B3GLCT: variants seen among roughly 807,000 people sequenced by gnomAD.
The protein encoded by B3GLCT is beta-1,3-glucosyltransferase.
Under a neutral mutation model 63.4 loss-of-function variants are expected in B3GLCT, and 65 were observed. The observed-to-expected ratio is 1.03, with a 90% CI of 0.84 to 1.26. The LOEUF is 1.26. Ranked by LOEUF, B3GLCT falls within the 50% of genes most tolerant of loss-of-function variation. The probability of loss-of-function intolerance (pLI) is 0.00; values close to 1 mark genes in which losing one functional copy is unlikely to be tolerated. For missense variants in B3GLCT, 577 were observed against 604.8 expected (o/e 0.95, Z 0.48); for synonymous variants, 233 against 219.2 (o/e 1.06, Z -0.55).
chr13:31,265,358 A>C (rs1000515246), intron 7 of B3GLCT, among the ~76,000 whole-genome samples: 1 of 152,118 alleles, frequency 6.6e-6, no homozygotes, highest in Non-Finnish European at 1.5e-5. Flanking sequence ...TGAAGGGGAA[A>C]CTCTGTATTA....
At chr13:31,234,458 G>A (rs1052025581) in intron 4 of B3GLCT, among the ~76,000 whole-genome samples, 1 of 152,186 alleles carries the variant, frequency 6.6e-6, no homozygotes, top group African/African-American at 2.4e-5. Flanking sequence ...TTCTGAAAGT[G>A]CTGAGCCTGG....
At chr13:31,277,693 T>C (rs909060778) in intron 10 of B3GLCT, among the ~76,000 whole-genome samples, 1 of 152,114 alleles carries the variant, frequency 6.6e-6, no homozygotes, top group Non-Finnish European at 1.5e-5. Flanking sequence ...GGGAAGATGT[T>C]TTCCAAATAA....
At chr13:31,222,931 T>C (rs1425422382) in intron 2 of B3GLCT, 21 bp from the exon 3 acceptor site, 3 of 1,467,028 alleles carry the variant, frequency 2.0e-6, no homozygotes, top group South Asian at 2.3e-5. Flanking sequence ...TTCATCTTTT[T>C]CTCTTTCATT....
intron 1 of B3GLCT, among the ~76,000 whole-genome samples, chr13:31,202,943 C>G (rs978752608): frequency 6.6e-6 from 1 of 152,190 alleles, no homozygotes; most frequent in African/African-American, 2.4e-5. Flanking sequence ...ACTTGTATTG[C>G]ATGAGATTAT....
intron 12 of B3GLCT, among the ~76,000 whole-genome samples, chr13:31,299,843 C>A (rs1874136812): frequency 6.6e-6 from 1 of 152,122 alleles, no homozygotes; most frequent in Non-Finnish European, 1.5e-5. Flanking sequence ...GTCCATGGGG[C>A]CATGCTTCAT....
intron 1 of B3GLCT, among the ~76,000 whole-genome samples, chr13:31,204,359 C>A (rs1217381071): frequency 6.6e-6 from 1 of 152,178 alleles, no homozygotes; most frequent in East Asian, 1.9e-4. Flanking sequence ...ACCCCACCAT[C>A]GAACAATTAA....
intron 12 of B3GLCT, among the ~76,000 whole-genome samples, chr13:31,294,689 A>G (rs931140062): frequency 1.3e-5 from 2 of 152,088 alleles, no homozygotes; most frequent in African/African-American, 2.4e-5. Context: ...TAAACTGGTT[A>G]TTCTAGTTAG....
intron 4 of B3GLCT, among the ~76,000 whole-genome samples, chr13:31,244,570 C>T (rs1871108595): frequency 6.6e-6 from 1 of 152,108 alleles, no homozygotes; most frequent in South Asian, 2.1e-4. Context: ...AGATCTAAAT[C>T]TTATGATGGC....
chr13:31,285,986 G>T (rs923117665), intron 11 of B3GLCT, among the ~76,000 whole-genome samples: 1 of 152,114 alleles, frequency 6.6e-6, no homozygotes, highest in African/African-American at 2.4e-5. Context: ...AGAAAATAAA[G>T]GTCAAATTGA....
At chr13:31,274,894 A>G (rs1447829929) in intron 9 of B3GLCT, among the ~76,000 whole-genome samples, 1 of 151,958 alleles carries the variant, frequency 6.6e-6, no homozygotes, top group African/African-American at 2.4e-5. Context: ...TGTTGTTCCT[A>G]TTTTTATGTT....
intron 2 of B3GLCT, among the ~76,000 whole-genome samples, chr13:31,222,181 C>T (rs1225411938): frequency 2.0e-5 from 3 of 151,080 alleles, no homozygotes; most frequent in South Asian, 4.2e-4. Context: ...TGGGTTCAAG[C>T]GATTGTCCTG....
chr13:31,277,606 A>C (rs563750315), intron 10 of B3GLCT, among the ~76,000 whole-genome samples: 1 of 152,304 alleles, frequency 6.6e-6, no homozygotes, highest in East Asian at 1.9e-4. Context: ...TGTCATTTTC[A>C]TGGGATTGGA....
At chr13:31,282,162 A>T (rs937631177) in intron 10 of B3GLCT, among the ~76,000 whole-genome samples, 16 of 152,248 alleles carry the variant, frequency 1.1e-4, no homozygotes, top group African/African-American at 2.7e-4. Context: ...ATCTTTAGGA[A>T]TACAGTGCCT....
chr13:31,231,160 G>A (rs1294032884), intron 4 of B3GLCT, among the ~76,000 whole-genome samples: 1 of 152,114 alleles, frequency 6.6e-6, no homozygotes, highest in East Asian at 1.9e-4. Flanking sequence ...GCGCTAGTGG[G>A]GTGGCCACGC....
chr13:31,248,923 G>A lies in B3GLCT; in HGVS notation c.459+957G>A, dbSNP rs922454927. 2.6e-5 allele frequency among the ~76,000 whole-genome samples: 4 copies of A among 152,198 alleles called. 1 individual carries two copies. Among genetic ancestry groups the A allele is most frequent in the Admixed American group, 1.3e-4 (2 of 15,278 alleles). On this transcript the variant is annotated intron_variant, in intron 6 of 14. Coordinates refer to ENST00000343307, the MANE Select transcript of B3GLCT (RefSeq NM_194318.4). ...GAGCTGCCTTGGAAATGTGTCAAGA[G>A]TAAATCGAGCTCATTCAGTTCTCTT...
chr13:31,288,380 C>T lies in B3GLCT; in HGVS notation c.1064+1561C>T, dbSNP rs568549587. Among the ~76,000 whole-genome samples, 543 of 152,334 alleles carry T rather than the reference C, an allele frequency of 3.6e-3. 2 individuals carry two copies. The highest frequency in any genetic ancestry group is 0.013 in the African/African-American group (527 of 41,590). ...TCAGGGGGCTAACAACTTGTCCACA[C>T]ACCTAGCCCACTGCTCTCATTACTA... On this transcript the variant is annotated intron_variant, in intron 12 of 14. Coordinates refer to ENST00000343307, the MANE Select transcript of B3GLCT (RefSeq NM_194318.4).
At chr13:31,308,746 T>A (rs1001401450) in intron 12 of B3GLCT, among the ~76,000 whole-genome samples, 26 of 152,220 alleles carry the variant, frequency 1.7e-4, no homozygotes, top group Admixed American at 1.3e-4. Context: ...CTTTACACCA[T>A]ACCCTCTAGT....
In B3GLCT at chr13:31,292,816, T is replaced by TG. The variant is rs539983626; in HGVS notation, c.1064+5998dup. ...TTTGTGTCTCTGTCTCCTTCAGTTC[T>TG]GCTCTGATCTTAGTTATTTCTTGTC... On this transcript the variant is annotated intron_variant, in intron 12 of 14. Coordinates refer to ENST00000343307, the MANE Select transcript of B3GLCT (RefSeq NM_194318.4). Among the ~76,000 whole-genome samples the TG allele has an allele frequency of 1.0e-3, 158 of 152,234 alleles. 2 individuals are homozygous for TG. In the East Asian group the frequency reaches 0.011, roughly 10 times the overall value.
chr13:31,256,519 A>G (rs900714486), intron 6 of B3GLCT, among the ~76,000 whole-genome samples: 2 of 152,208 alleles, frequency 1.3e-5, no homozygotes, highest in African/African-American at 2.4e-5. Flanking sequence ...CTTGGAACCA[A>G]TCCAAATGCT....
Sources: gnomAD v4.1 joint callset for allele counts (sites outside exome capture counted in the v4.1 genomes callset) on GRCh38, gnomAD v4.1.1 for gene constraint, MANE v1.5 for transcripts, NCBI Gene and HGNC (gene_info 2026-07-23, HGNC 2026-07-21) for gene names.